The following DUSP8 variants were observed in gnomAD, a reference collection of about 807,000 sequenced individuals.
The protein encoded by DUSP8 is dual specificity protein phosphatase 8.
In DUSP8, 15 loss-of-function variants were observed where a neutral mutation model predicts 38.7. That is an observed-to-expected ratio of 0.39 (90% CI 0.26 to 0.60). DUSP8 has a LOEUF of 0.60. Among genes scored for constraint, DUSP8 ranks in the 20% least tolerant of loss-of-function variants. The pLI, the probability that DUSP8 is intolerant of heterozygous loss-of-function variation, is 0.56. For synonymous variants in DUSP8, 458 were observed against 433.9 expected, an observed-to-expected ratio of 1.06 and a Z score of -0.69; for missense variants, 768 against 915.0, an observed-to-expected ratio of 0.84 and a Z score of 2.07.
chr11:1,558,158 G>A lies in DUSP8; in HGVS notation c.651C>T (p.Tyr217=). The A allele has an allele frequency of 6.2e-7, 1 of 1,611,948 alleles. No homozygotes were observed. Among genetic ancestry groups the A allele is most frequent in the Non-Finnish European group, 8.5e-7 (1 of 1,179,834 alleles). ...CCAGCCAGGGCAGCAGTTTTTCACAGTAGTTGTCGTTGATGGGGACCCGCA... is the reference window on the plus strand; with the variant it reads ...CCAGCCAGGGCAGCAGTTTTTCACAATAGTTGTCGTTGATGGGGACCCGCA... ...RFMRVPINDN[Y]CEKLLPWLDK... The change falls in exon 5 of 7, where the codon TAC becomes TAT. Residue 217 remains tyrosine, a synonymous_variant. Coordinates refer to ENST00000397374, the MANE Select transcript of DUSP8 (RefSeq NM_004420.3). This position sits in a 1 kb window ranked among gnomAD's most constrained non-coding sequence, Gnocchi z 6.3.
Position 1,558,571 on chromosome 11 carries a change from C to T in DUSP8, c.538-300G>A, listed in dbSNP as rs1406834860. Among the ~76,000 whole-genome samples, 4 of 152,142 alleles carry T rather than the reference C, an allele frequency of 2.6e-5. No individual in the cohort carries two copies. The East Asian group carries it at 7.7e-4, about 29-fold the overall frequency. ...CTGGGTGGTGGCTTTTACCCTTTTCCCTCGTCACCATTTTTAAAACATGGG... is the reference window on the plus strand; with the variant it reads ...CTGGGTGGTGGCTTTTACCCTTTTCTCTCGTCACCATTTTTAAAACATGGG... On this transcript the variant is annotated intron_variant, in intron 4 of 6. Coordinates refer to ENST00000397374, the MANE Select transcript of DUSP8 (RefSeq NM_004420.3). This position sits in a 1 kb window ranked among gnomAD's most constrained non-coding sequence, Gnocchi z 6.3.
intron 3 of DUSP8, among the ~76,000 whole-genome samples, chr11:1,563,393 C>G (rs1374109421): frequency 6.6e-6 from 1 of 152,080 alleles, no homozygotes; most frequent in African/African-American, 2.4e-5. Context: ...GCCCAGGCTG[C>G]TTTTGGGCCA....
In DUSP8 at chr11:1,554,657, C is replaced by T. The variant is rs1400187223; in HGVS notation, c.*1861G>A. 1 of 986,308 alleles carries T rather than the reference C, an allele frequency of 1.0e-6. No homozygotes were observed. The highest frequency in any genetic ancestry group is 1.2e-6 in the Non-Finnish European group (1 of 828,784). 61.1% of individuals were successfully genotyped at this position (986,308 alleles called of 1,614,324 possible). On this transcript the variant is annotated 3_prime_UTR_variant, in exon 7 of 7. Transcript: ENST00000397374. ...GGAAGGGGGAAGGGAGAAGGGGGCCCAACCAGTGGCCCCAGACCACTGTCT... is the reference window on the plus strand; with the variant it reads ...GGAAGGGGGAAGGGAGAAGGGGGCCTAACCAGTGGCCCCAGACCACTGTCT...
At position 1,554,776 on chromosome 11, in the gene DUSP8, G is replaced by A. The variant is rs1848596441; in HGVS notation, c.*1742C>T. 1.0e-5 allele frequency: 5 copies of A among 500,620 alleles called. No individual in the cohort carries two copies. The highest frequency in any genetic ancestry group is 1.3e-5 in the Non-Finnish European group (5 of 386,774). The allele number at this position is 500,620 out of a possible 1,614,324, so 31.0% of individuals were successfully genotyped here. On this transcript the variant is annotated 3_prime_UTR_variant, in exon 7 of 7. Coordinates refer to ENST00000397374, the MANE Select transcript of DUSP8 (RefSeq NM_004420.3). ...CAGAAACCCAACGCAACAGACATAT[G>A]GGAGGCAAATTTACATAATTAATAA...
chr11:1,570,557 C>A (rs955767565), intron 1 of DUSP8, among the ~76,000 whole-genome samples: 2 of 152,184 alleles, frequency 1.3e-5, no homozygotes, highest in Non-Finnish European at 2.9e-5. Flanking sequence ...CTTTCTGCAC[C>A]TCTGTTAATG....
intron 2 of DUSP8, among the ~76,000 whole-genome samples, chr11:1,564,575 C>T (rs938324136): frequency 1.1e-4 from 16 of 152,210 alleles, no homozygotes; most frequent in African/African-American, 3.9e-4. Flanking sequence ...TCCTCCCCCA[C>T]CCCAAGGGCC....
In DUSP8 at chr11:1,570,081, C is replaced by T. The variant is rs538313336; in HGVS notation, c.-109+1820G>A. On this transcript the variant is annotated intron_variant, in intron 1 of 6. Coordinates refer to ENST00000397374, the MANE Select transcript of DUSP8 (RefSeq NM_004420.3). The stretch of plus-strand genomic sequence containing the variant: ...TCCGCTGGCCTGGGGAAGCTGTGGA[C>T]CTGGGAGAAAGTGGGGTGGGGCGGG... Among the ~76,000 whole-genome samples the T allele has an allele frequency of 1.4e-3, 215 of 152,286 alleles. 2 individuals are homozygous for T. Among genetic ancestry groups the T allele is most frequent in the African/African-American group, 4.8e-3 (201 of 41,560 alleles).
chr11:1,563,661 G>C (rs1390504020), intron 3 of DUSP8, among the ~76,000 whole-genome samples, 190 bp downstream of exon 3: 2 of 152,170 alleles, frequency 1.3e-5, no homozygotes, highest in Non-Finnish European at 2.9e-5. Flanking sequence ...TTCCTTCTGT[G>C]TTGAGGATAG....
chr11:1,566,767 G>A (rs1360751161), intron 1 of DUSP8, among the ~76,000 whole-genome samples: 1 of 152,184 alleles, frequency 6.6e-6, no homozygotes, highest in Non-Finnish European at 1.5e-5. Context: ...GGCAGCCCTG[G>A]GAGGAGGGTC....
At chr11:1,564,264 A>G (rs1187089654) in intron 2 of DUSP8, among the ~76,000 whole-genome samples, 1 of 152,172 alleles carries the variant, frequency 6.6e-6, no homozygotes, top group Non-Finnish European at 1.5e-5. Context: ...TGCCATGCAC[A>G]TGGGTGAAGG....
Position 1,557,153 on chromosome 11 carries a change from C to G in DUSP8, c.1243G>C (p.Asp415His), listed in dbSNP as rs1030026327. ...CAGAGCTTCGGGGCCTCGCCGGGGT[C>G]GGGGGGCCCGGGGCCGTCGGGCCGC... Reference protein sequence around the residue: ...SRRPDGPGPPDPGEAPKLCKL... With the variant: ...SRRPDGPGPPHPGEAPKLCKL... The change falls in exon 7 of 7, where the codon GAC (aspartate) becomes CAC (histidine). Residue 415 changes from aspartate (D) to histidine (H), a missense_variant. Physicochemically the swap from Asp to His is moderately conservative, Grantham distance 81 (BLOSUM62 -1). Around this residue, in one of 3 missense-constraint regions of DUSP8, gnomAD observed 474 missense variants for 430.8 expected, o/e 1.10. Transcript: ENST00000397374. The surrounding 1 kb of genome is among the most constrained non-coding windows in gnomAD (Gnocchi z 9.9). 6 of 1,433,904 alleles carry G rather than the reference C, an allele frequency of 4.2e-6. No individual in the cohort carries two copies. Among genetic ancestry groups the G allele is most frequent in the Non-Finnish European group, 5.4e-6 (6 of 1,101,940 alleles). The allele number at this position is 1,433,904 out of a possible 1,614,324, so 88.8% of individuals were successfully genotyped here. A position where few individuals can be genotyped will look rare whatever the true frequency, so the allele number is the denominator to read the frequency against.
intron 3 of DUSP8, 29 bp from the exon 4 acceptor site, chr11:1,559,084 G>C: frequency 6.2e-7 from 1 of 1,601,490 alleles, no homozygotes; most frequent in Non-Finnish European, 8.5e-7. Flanking sequence ...CAAGTGGGTT[G>C]AGAGAACACC....
At chr11:1,571,276 G>C (rs1337948071) in intron 1 of DUSP8, 1 of 152,276 alleles carries the variant, frequency 6.6e-6, no homozygotes. Flanking sequence ...CAGCGCCGCG[G>C]CTGCCTCTGC....
At chr11:1,566,780 T>C (rs1038667681) in intron 1 of DUSP8, among the ~76,000 whole-genome samples, 1 of 152,108 alleles carries the variant, frequency 6.6e-6, no homozygotes, top group Non-Finnish European at 1.5e-5. Context: ...GGAGGGTCAG[T>C]GTCGGGGACC....
At chr11:1,562,368 C>T (rs1182080177) in intron 3 of DUSP8, among the ~76,000 whole-genome samples, 2 of 152,172 alleles carry the variant, frequency 1.3e-5, no homozygotes, top group African/African-American at 2.4e-5. Context: ...GGGAGGGGTC[C>T]TGTTACACCT....
At chr11:1,564,884 C>T in intron 2 of DUSP8, among the ~76,000 whole-genome samples, 1 of 152,222 alleles carries the variant, frequency 6.6e-6, no homozygotes, top group East Asian at 1.9e-4. Flanking sequence ...TGACCCAGAC[C>T]CCTCTCAAAG....
In DUSP8 at chr11:1,554,827, T is replaced by C. The variant is rs148749783; in HGVS notation, c.*1691A>G. The C allele has an allele frequency of 7.2e-3, 4,475 of 617,774 alleles. 30 individuals carry two copies. Among genetic ancestry groups the C allele is most frequent in the Non-Finnish European group, 8.2e-3 (4,063 of 493,894 alleles). 38.3% of individuals were successfully genotyped at this position (617,774 alleles called of 1,614,324 possible). On this transcript the variant is annotated 3_prime_UTR_variant, in exon 7 of 7. Coordinates refer to ENST00000397374, the MANE Select transcript of DUSP8 (RefSeq NM_004420.3). ...TAATTAACCAATAATAATAAATACT[T>C]AAACCTCTAATCCATAGATTGCAAA...
Position 1,557,738 on chromosome 11 carries a change from C to CGGG in DUSP8, c.821+53_821+55dup. On this transcript the variant is annotated intron_variant, in intron 6 of 6. Transcript: ENST00000397374. This position sits in a 1 kb window ranked among gnomAD's most constrained non-coding sequence, Gnocchi z 9.9. ...GGTCATTCTGGTGCAAGTGGGCAGC[C>CGGG]GGGGGAAGGGAAGCGACGCTGTGAG... 1 of 1,607,576 alleles carries CGGG rather than the reference C, an allele frequency of 6.2e-7. No homozygotes were observed. The highest frequency in any genetic ancestry group is 1.1e-5 in the South Asian group (1 of 90,504).
chr11:1,569,619 G>C (rs1848857613), intron 1 of DUSP8, among the ~76,000 whole-genome samples: 2 of 152,062 alleles, frequency 1.3e-5, no homozygotes, highest in African/African-American at 2.4e-5. Context: ...CCCACACCCA[G>C]CGTCTCTGTG....
Sources: gnomAD v4.1 joint callset for allele counts (sites outside exome capture counted in the v4.1 genomes callset) on GRCh38, gnomAD v4.1.1 for gene constraint, gnomAD v4.1.1 regional missense constraint, Gnocchi (gnomAD v3.1) non-coding constraint, MANE v1.5 for transcripts, NCBI Gene and HGNC (gene_info 2026-07-23, HGNC 2026-07-21) for gene names.